Variants in DGKG observed in about 807,000 individuals in gnomAD.
The protein encoded by DGKG is diacylglycerol kinase gamma, also known as DAG kinase gamma.
DGKG carries 78 observed loss-of-function variants against 105.3 expected under a neutral mutation model. That is an observed-to-expected ratio of 0.74 (90% confidence interval 0.62 to 0.89). The LOEUF is 0.89. DGKG is among the 40% of genes least tolerant of loss of function. The pLI, the probability that DGKG is intolerant of heterozygous loss-of-function variation, is 0.00. For missense variants in DGKG, 958 were observed against 1,020.1 expected (o/e 0.94, Z 0.83); for synonymous variants, 346 against 367.1 (o/e 0.94, Z 0.66).
chr3:186,252,432 C>T (rs1292570821), intron 18 of DGKG, among the ~76,000 whole-genome samples: 1 of 152,234 alleles, frequency 6.6e-6, no homozygotes. Flanking sequence ...TTCTGGCCGG[C>T]AGCCTGATCT....
rs112105397 is a variant in DGKG at position 186,255,641 on chromosome 3, G to A, written c.1510+2213C>T. 7.8e-3 allele frequency among the ~76,000 whole-genome samples: 1,190 copies of A among 152,326 alleles called. 12 individuals are homozygous for A. The highest frequency in any genetic ancestry group is 0.026 in the African/African-American group (1,069 of 41,586). The stretch of plus-strand genomic sequence containing the variant: ...GATGGAGGTAGAAATAAGGCTGGAA[G>A]GGTGCGCAGCAGCTGGACCACCCAG... On this transcript the variant is annotated intron_variant, in intron 17 of 24. Transcript: ENST00000265022.
intron 20 of DGKG, among the ~76,000 whole-genome samples, chr3:186,235,454 T>C (rs967849622): frequency 6.6e-6 from 1 of 152,188 alleles, no homozygotes; most frequent in South Asian, 2.1e-4. Flanking sequence ...ATGAAGACTT[T>C]GATGGCAAGG....
At chr3:186,306,822 G>A in intron 3 of DGKG, 79 bp downstream of exon 3, 3 of 966,882 alleles carry the variant, frequency 3.1e-6, no homozygotes, top group South Asian at 1.4e-5. Context: ...GGCAAGCGGA[G>A]TCTCCAAGAG....
chr3:186,333,586 C>T (rs144676127), intron 1 of DGKG, among the ~76,000 whole-genome samples: 1,550 of 152,276 alleles, frequency 0.01, 20 homozygotes, highest in Non-Finnish European at 0.013. Flanking sequence ...CCTTCTATAA[C>T]ATTTTGTGCA....
intron 7 of DGKG, 109 bp from the exon 8 acceptor site, chr3:186,280,853 G>A: frequency 1.2e-6 from 1 of 853,780 alleles, no homozygotes; most frequent in Non-Finnish European, 1.9e-6. Context: ...GGCAGGGCAA[G>A]AGAAGAAGCT....
chr3:186,310,957 CT>C (rs1366009474), intron 2 of DGKG, among the ~76,000 whole-genome samples: 9 of 146,580 alleles, frequency 6.1e-5, no homozygotes, highest in Non-Finnish European at 1.2e-4. Flanking sequence ...AAGGAGACAG[CT>C]CGTAAGTCAC....
At position 186,261,722 on chromosome 3, in the gene DGKG, C is replaced by T. The variant is rs1721785066; in HGVS notation, c.1326G>A (p.Lys442=). 2 of 1,607,630 alleles carry T rather than the reference C, an allele frequency of 1.2e-6. No homozygotes were observed. The highest frequency in any genetic ancestry group is 2.7e-5 in the African/African-American group (2 of 74,922). ...ACCTTTCTCCTTGTCTCCCTCCACT[C>T]TTGGGGTTCACCAAGACCAGCAGGG... ...THPLLVLVNP[K]SGGRQGERIL... The change falls in exon 15 of 25, where the codon AAG becomes AAA. Residue 442 remains lysine, a synonymous_variant. Coordinates refer to ENST00000265022, the MANE Select transcript of DGKG (RefSeq NM_001346.3).
At chr3:186,189,646 T>G (rs1321830667) in intron 21 of DGKG, among the ~76,000 whole-genome samples, 2 of 152,184 alleles carry the variant, frequency 1.3e-5, no homozygotes, top group Non-Finnish European at 2.9e-5. Flanking sequence ...TTCCAGAGAC[T>G]TATCAACAGA....
At chr3:186,349,643 A>G (rs574413969) in intron 1 of DGKG, among the ~76,000 whole-genome samples, 96 of 152,278 alleles carry the variant, frequency 6.3e-4, no homozygotes, top group Middle Eastern at 3.4e-3. Context: ...CTTCACAAAG[A>G]GTGAGTCCCA....
At chr3:186,320,746 T>TAA (rs370123965) in intron 1 of DGKG, 39 bp from the exon 2 acceptor site, 9 of 304,104 alleles carry the variant, frequency 3.0e-5, no homozygotes, top group South Asian at 1.1e-4. Flanking sequence ...ATGAGAATGT[T>TAA]AAAAAAAAAA....
At position 186,188,271 on chromosome 3, in the gene DGKG, T is replaced by A. The variant is rs1717736759; in HGVS notation, c.2026A>T (p.Asn676Tyr). Reference protein sequence around the residue: ...GTNLWGENKKNRAVIRESRKG... With the variant: ...GTNLWGENKKYRAVIRESRKG... ...CTGCTTTCCCGGATCACAGCCCGGT[T>A]CTTCTTGTTTTCTCCCCAGAGATTG... is the stretch of plus-strand genomic sequence containing the variant. The change falls in exon 22 of 25, where the codon AAC becomes TAC. Residue 676 changes from asparagine (N) to tyrosine (Y), a missense_variant. Asn to Tyr is a moderately radical substitution (Grantham distance 143, BLOSUM62 -2). Coordinates refer to ENST00000265022, the MANE Select transcript of DGKG (RefSeq NM_001346.3). The A allele has an allele frequency of 6.2e-7, 1 of 1,614,060 alleles. No individual in the cohort carries two copies. Among genetic ancestry groups the A allele is most frequent in the Non-Finnish European group, 8.5e-7 (1 of 1,180,050 alleles).
chr3:186,257,158 C>A lies in DGKG; in HGVS notation c.1510+696G>T, dbSNP rs199591860. Among the ~76,000 whole-genome samples the A allele has an allele frequency of 9.2e-5, 14 of 152,318 alleles. No homozygotes were observed. The East Asian group carries it at 2.7e-3, about 29-fold the overall frequency. On this transcript the variant is annotated intron_variant, in intron 17 of 24. Coordinates refer to ENST00000265022, the MANE Select transcript of DGKG (RefSeq NM_001346.3). ...TTTGATGACTGTCCTCCCCAGTGCT[C>A]CCCCGGCCGCTTTCTTGTCCTTATA...
chr3:186,212,899 T>C (rs146015035), intron 20 of DGKG, among the ~76,000 whole-genome samples: 1 of 152,290 alleles, frequency 6.6e-6, no homozygotes, highest in African/African-American at 2.4e-5. Flanking sequence ...ATGGCGCTAA[T>C]CCTCTCTCCT....
At chr3:186,218,891 T>C (rs1282573053) in intron 20 of DGKG, among the ~76,000 whole-genome samples, 2 of 152,140 alleles carry the variant, frequency 1.3e-5, no homozygotes, top group East Asian at 3.8e-4. Flanking sequence ...CCATTTGGGA[T>C]TTGCTGGGTT....
chr3:186,336,234 C>T (rs1384924005), intron 1 of DGKG, among the ~76,000 whole-genome samples: 1 of 152,142 alleles, frequency 6.6e-6, no homozygotes, highest in Admixed American at 6.6e-5. Context: ...TTCCCTTCCA[C>T]GAAGGGTGAT....
intron 2 of DGKG, among the ~76,000 whole-genome samples, chr3:186,307,371 A>G (rs1437202342): frequency 1.3e-5 from 2 of 152,158 alleles, no homozygotes; most frequent in Non-Finnish European, 2.9e-5. Flanking sequence ...ATCAAGTTAC[A>G]TTTCCAGACA....
chr3:186,183,691 T>TTTTC (rs773370200), intron 22 of DGKG, among the ~76,000 whole-genome samples: 2 of 151,678 alleles, frequency 1.3e-5, no homozygotes, highest in African/African-American at 4.9e-5. Flanking sequence ...CTTTCTTTTT[T>TTTTC]TTTCTTTCTT....
At chr3:186,160,515 A>G in intron 24 of DGKG, 1 of 985,288 alleles carries the variant, frequency 1.0e-6, no homozygotes, top group Non-Finnish European at 1.2e-6. Flanking sequence ...TTGAGGTAAG[A>G]TTTTTGCAGA....
At chr3:186,191,174 T>C (rs1469877704) in intron 21 of DGKG, among the ~76,000 whole-genome samples, 1 of 152,020 alleles carries the variant, frequency 6.6e-6, no homozygotes, top group African/African-American at 2.4e-5. Context: ...ACATAAAACA[T>C]TGTGCCGAGA....
Sources: allele counts gnomAD v4.1 joint callset (sites outside exome capture counted in the v4.1 genomes callset), GRCh38; gene constraint gnomAD v4.1.1; transcripts MANE v1.5; gene names NCBI Gene and HGNC (gene_info 2026-07-23, HGNC 2026-07-21).